Variants in ADORA2B observed in about 807,000 individuals in gnomAD.
ADORA2B encodes the protein adenosine receptor A2b.
A neutral mutation model predicts 20.8 loss-of-function variants in ADORA2B; 18 were observed. That is an observed-to-expected ratio of 0.87 (90% CI 0.60 to 1.29). The LOEUF (loss-of-function observed/expected upper bound fraction) is 1.29, where lower values mean the gene tolerates loss of function less well. Ranked by LOEUF, ADORA2B falls within the 50% of genes most tolerant of loss-of-function variation. The pLI, the probability that ADORA2B is intolerant of heterozygous loss-of-function variation, is 0.00. For synonymous variants in ADORA2B, 179 were observed against 178.3 expected, an observed-to-expected ratio of 1.00 and a Z score of -0.03; for missense variants, 441 against 422.7, an observed-to-expected ratio of 1.04 and a Z score of -0.38.
intron 1 of ADORA2B, among the ~76,000 whole-genome samples, chr17:15,951,159 G>T (rs928760227): frequency 6.6e-6 from 1 of 152,222 alleles, no homozygotes; most frequent in Non-Finnish European, 1.5e-5. Flanking sequence ...TCTGTGAAAC[G>T]CCAGAAGAGG....
the ADORA2B span, among the ~76,000 whole-genome samples, chr17:15,925,471 T>G: frequency 1.3e-5 from 2 of 152,210 alleles, no homozygotes; most frequent in Non-Finnish European, 2.9e-5. Flanking sequence ...TTTATATGTA[T>G]CTCCCTATTT....
At chr17:15,939,511 C>T in the ADORA2B span, among the ~76,000 whole-genome samples, 1 of 152,164 alleles carries the variant, frequency 6.6e-6, no homozygotes, top group Non-Finnish European at 1.5e-5. Flanking sequence ...CAAGTTGTCT[C>T]CACTGCCTGT....
At chr17:15,875,768 A>G in the ADORA2B span, among the ~76,000 whole-genome samples, 1,797 of 151,984 alleles carry the variant, frequency 0.012, 35 homozygotes, top group African/African-American at 0.042. Context: ...TTTTTAGTAG[A>G]CGGAGTTTCA....
the ADORA2B span, among the ~76,000 whole-genome samples, chr17:15,938,680 A>G: frequency 1.3e-5 from 2 of 152,182 alleles, no homozygotes; most frequent in African/African-American, 2.4e-5. Context: ...ATTGTAAAGG[A>G]TATTTAGCAT....
chr17:15,891,997 C>G, the ADORA2B span, among the ~76,000 whole-genome samples: 1 of 150,936 alleles, frequency 6.6e-6, no homozygotes, highest in African/African-American at 2.4e-5. Flanking sequence ...TACAGGCATG[C>G]ACCACCATGC....
At chr17:15,854,739 T>C in the ADORA2B span, among the ~76,000 whole-genome samples, 1 of 152,192 alleles carries the variant, frequency 6.6e-6, no homozygotes, top group Non-Finnish European at 1.5e-5. Context: ...AACCTCACAA[T>C]GGCCCTCCTC....
the ADORA2B span, among the ~76,000 whole-genome samples, chr17:15,893,461 TA>T: frequency 1.3e-5 from 2 of 151,880 alleles, no homozygotes; most frequent in Admixed American, 6.6e-5. Flanking sequence ...ACCCTTAAGA[TA>T]ATCAGCCCTT....
chr17:15,925,894 C>T, the ADORA2B span, among the ~76,000 whole-genome samples: 8 of 151,924 alleles, frequency 5.3e-5, no homozygotes, highest in Non-Finnish European at 1.2e-4. Flanking sequence ...TGCATAAACC[C>T]AGGAGGCAGA....
chr17:15,965,007 C>T (rs8081547), intron 1 of ADORA2B, among the ~76,000 whole-genome samples: 31,898 of 152,120 alleles, frequency 0.21, 3,679 homozygotes, highest in Non-Finnish European at 0.27. Context: ...TTGCAGTGAG[C>T]CGAGATCGTG....
At chr17:15,920,263 G>C in the ADORA2B span, among the ~76,000 whole-genome samples, 4 of 152,080 alleles carry the variant, frequency 2.6e-5, no homozygotes, top group Admixed American at 6.6e-5. Flanking sequence ...TTACTTAATG[G>C]GTGCAATGTA....
At chr17:15,917,927 C>T in the ADORA2B span, among the ~76,000 whole-genome samples, 1 of 152,228 alleles carries the variant, frequency 6.6e-6, no homozygotes, top group East Asian at 1.9e-4. Context: ...GCCGCTGTCC[C>T]TCCCTCCCTC....
chr17:15,958,672 GGCCTTTGC>G (rs1323546346), intron 1 of ADORA2B, among the ~76,000 whole-genome samples: 1 of 152,118 alleles, frequency 6.6e-6, no homozygotes, highest in East Asian at 1.9e-4. Context: ...CTGGAGCTCA[GGCCTTTGC>G]GCATGTGTTT....
the ADORA2B span, among the ~76,000 whole-genome samples, chr17:15,902,241 C>T: frequency 8.6e-5 from 13 of 151,056 alleles, no homozygotes; most frequent in South Asian, 2.1e-4. Context: ...GAGACAGTCT[C>T]GCTCTGTCAT....
the ADORA2B span, among the ~76,000 whole-genome samples, chr17:15,862,029 A>G: frequency 6.6e-6 from 1 of 151,978 alleles, no homozygotes; most frequent in African/African-American, 2.4e-5. Flanking sequence ...GCACAAGCAT[A>G]TTTGAGTGTA....
At chr17:15,857,433 C>T in the ADORA2B span, among the ~76,000 whole-genome samples, 4 of 152,196 alleles carry the variant, frequency 2.6e-5, no homozygotes, top group Non-Finnish European at 5.9e-5. Context: ...GGACACCATC[C>T]TCCAGACCCC....
chr17:15,941,022 G>C (rs1158502836), upstream of ADORA2B, among the ~76,000 whole-genome samples: 1 of 152,222 alleles, frequency 6.6e-6, no homozygotes, highest in Admixed American at 6.5e-5. Flanking sequence ...CCTGGATTCT[G>C]CTCTGGCAGT....
chr17:15,946,192 A>G (rs1393238509), intron 1 of ADORA2B, among the ~76,000 whole-genome samples: 2 of 152,224 alleles, frequency 1.3e-5, no homozygotes, highest in Non-Finnish European at 2.9e-5. Context: ...ACTTTGGGGA[A>G]CGCTACGGAC....
the ADORA2B span, among the ~76,000 whole-genome samples, chr17:15,906,631 T>G: frequency 6.6e-6 from 1 of 152,212 alleles, no homozygotes; most frequent in Non-Finnish European, 1.5e-5. Context: ...TTGGGAAGTA[T>G]TCCATCCTCT....
At chr17:15,880,473 A>G in the ADORA2B span, among the ~76,000 whole-genome samples, 2 of 142,268 alleles carry the variant, frequency 1.4e-5, no homozygotes, top group Non-Finnish European at 3.0e-5. Context: ...GAATGGAGGA[A>G]GAGCCTTGGG....
Sources: allele counts gnomAD v4.1 joint callset (sites outside exome capture counted in the v4.1 genomes callset), GRCh38; gene constraint gnomAD v4.1.1; transcripts MANE v1.5; gene names NCBI Gene and HGNC (gene_info 2026-07-23, HGNC 2026-07-21).